RASGEF1A: variants seen among roughly 807,000 people sequenced by gnomAD.
RASGEF1A encodes ras-GEF domain-containing family member 1A.
RASGEF1A carries 18 observed loss-of-function variants against 56.4 expected under a neutral mutation model. The ratio of observed to expected loss-of-function variants is 0.32; its 90% CI spans 0.22 to 0.47. The LOEUF is 0.47. Among genes scored for constraint, RASGEF1A ranks in the 20% least tolerant of loss-of-function variants. The pLI is 1.00. For missense variants in RASGEF1A, 422 were observed against 627.1 expected (o/e 0.67, Z 3.49); for synonymous variants, 245 against 242.6 (o/e 1.01, Z -0.09).
At chr10:43,207,679 C>T in intron 1 of RASGEF1A, 1 of 985,528 alleles carries the variant, frequency 1.0e-6, no homozygotes, top group Non-Finnish European at 1.2e-6. Flanking sequence ...ACAATGCTCC[C>T]TTCAAACTCA....
intron 3 of RASGEF1A, among the ~76,000 whole-genome samples, chr10:43,202,147 T>C (rs1839910175): frequency 6.6e-6 from 1 of 152,202 alleles, no homozygotes; most frequent in African/African-American, 2.4e-5. Flanking sequence ...TCCCCTTAAG[T>C]TGACTTTCTT....
chr10:43,235,288 C>G (rs1325845077), intron 1 of RASGEF1A, among the ~76,000 whole-genome samples: 1 of 152,220 alleles, frequency 6.6e-6, no homozygotes, highest in Non-Finnish European at 1.5e-5. Flanking sequence ...ACACCTCTCC[C>G]CAGTCGTCTG....
intron 2 of RASGEF1A, 56 bp from the exon 3 acceptor site, chr10:43,203,476 C>T (rs1346961066): frequency 1.4e-6 from 2 of 1,465,068 alleles, no homozygotes; most frequent in Admixed American, 4.7e-5. Context: ...CCCCCGGGGG[C>T]TCACCGCGCT....
chr10:43,247,568 G>A (rs901624017), intron 1 of RASGEF1A, among the ~76,000 whole-genome samples: 1 of 152,172 alleles, frequency 6.6e-6, no homozygotes, highest in African/African-American at 2.4e-5. Context: ...ACAGCAATAA[G>A]AAGGAATGAA....
At chr10:43,219,021 G>C (rs1840172505) in intron 1 of RASGEF1A, among the ~76,000 whole-genome samples, 1 of 152,136 alleles carries the variant, frequency 6.6e-6, no homozygotes, top group Admixed American at 6.5e-5. Flanking sequence ...GCCTGCTCAG[G>C]GCATAGAACA....
At chr10:43,232,355 C>T (rs1053828147) in intron 1 of RASGEF1A, among the ~76,000 whole-genome samples, 2 of 152,346 alleles carry the variant, frequency 1.3e-5, no homozygotes, top group South Asian at 4.1e-4. Flanking sequence ...CCTGCTCCAA[C>T]TCTGCCTTCC....
Position 43,199,756 on chromosome 10 carries a change from G to C in RASGEF1A, c.769C>G (p.Leu257Val). 1 of 1,613,560 alleles carries C rather than the reference G, an allele frequency of 6.2e-7. No individual in the cohort carries two copies. The highest frequency in any genetic ancestry group is 8.5e-7 in the Non-Finnish European group (1 of 1,179,962). Residue 257 changes from leucine (L) to valine (V), a missense_variant, in exon 7 of 13, where the codon CTG becomes GTG. By Grantham distance (32) the Leu-to-Val change is conservative (BLOSUM62 1). Around this residue, in one of 2 missense-constraint regions of RASGEF1A, gnomAD observed 273 missense variants for 339.9 expected, o/e 0.80. Coordinates refer to ENST00000395810, the MANE Select transcript of RASGEF1A (RefSeq NM_145313.4). ...SLDNHRCRGD[L>V]TKTYSLEAYD... ...GCCTCCAGGCTGTAGGTCTTGGTCA[G>C]GTCCCCTCGGCACTGGAAAGGACAC... is the stretch of plus-strand genomic sequence containing the variant.
intron 1 of RASGEF1A, among the ~76,000 whole-genome samples, chr10:43,234,547 C>T (rs1049713943): frequency 1.3e-5 from 2 of 152,154 alleles, no homozygotes; most frequent in East Asian, 1.9e-4. Context: ...AGGACCACGC[C>T]GGTGCTACAG....
chr10:43,247,751 G>T (rs757081539), intron 1 of RASGEF1A, among the ~76,000 whole-genome samples: 1 of 152,176 alleles, frequency 6.6e-6, no homozygotes, highest in Non-Finnish European at 1.5e-5. Flanking sequence ...TGGGGAAGGG[G>T]CAGTTTGAGG....
chr10:43,197,908 AG>A, intron 10 of RASGEF1A, 95 bp downstream of exon 10: 1 of 1,099,782 alleles, frequency 9.1e-7, no homozygotes, highest in Non-Finnish European at 1.3e-6. Flanking sequence ...GGCAGGGCTC[AG>A]GAAACCCACA....
At position 43,248,054 on chromosome 10, in the gene RASGEF1A, TAA is replaced by T. The variant is rs35759015; in HGVS notation, c.-7+18789_-7+18790del. ...CATTTCTATTTATAAAAAATAAGAT[TAA>T]AAAAAAAAAAAAAACATGGCCGAGT... On this transcript the variant is annotated intron_variant, in intron 1 of 12. Transcript: ENST00000395810. Among the ~76,000 whole-genome samples the T allele has an allele frequency of 3.5e-3, 480 of 138,660 alleles. 2 individuals are homozygous for T. Among genetic ancestry groups the T allele is most frequent in the East Asian group, 8.9e-3 (43 of 4,832 alleles). The allele number at this position is 138,660 out of a possible 152,430, so 91.0% of individuals were successfully genotyped here. A position where few individuals can be genotyped will look rare whatever the true frequency, so the allele number is the denominator to read the frequency against.
At chr10:43,258,093 C>T (rs1836455639) in intron 1 of RASGEF1A, among the ~76,000 whole-genome samples, 1 of 152,246 alleles carries the variant, frequency 6.6e-6, no homozygotes, top group African/African-American at 2.4e-5. Flanking sequence ...GCGAAAGCTG[C>T]CTCTATACTA....
intron 1 of RASGEF1A, among the ~76,000 whole-genome samples, chr10:43,264,565 G>A (rs900130944): frequency 6.6e-6 from 1 of 151,598 alleles, no homozygotes; most frequent in East Asian, 2.0e-4. Context: ...GTGGGTGGGA[G>A]TTACAGGAGG....
chr10:43,222,751 C>A (rs900280804), intron 1 of RASGEF1A, among the ~76,000 whole-genome samples: 10 of 152,174 alleles, frequency 6.6e-5, no homozygotes, highest in Non-Finnish European at 1.3e-4. Context: ...AGAAAGGAGT[C>A]CCAGGAGTGG....
At chr10:43,256,487 G>C (rs1440634072) in intron 1 of RASGEF1A, among the ~76,000 whole-genome samples, 2 of 152,188 alleles carry the variant, frequency 1.3e-5, no homozygotes, top group African/African-American at 4.8e-5. Flanking sequence ...CAATAGCCAA[G>C]GGAGGTGGGT....
intron 1 of RASGEF1A, chr10:43,208,686 G>T (rs1840028461): frequency 2.0e-6 from 2 of 985,496 alleles, no homozygotes; most frequent in South Asian, 4.7e-5. Context: ...ACGGCCCAGG[G>T]CTAGGTCTCC....
At chr10:43,259,275 C>A (rs747920759) in intron 1 of RASGEF1A, among the ~76,000 whole-genome samples, 19 of 152,206 alleles carry the variant, frequency 1.2e-4, no homozygotes, top group Non-Finnish European at 2.4e-4. Flanking sequence ...TGAGGGCCTG[C>A]AAGCACAGCG....
At chr10:43,233,258 G>C (rs982963865) in intron 1 of RASGEF1A, among the ~76,000 whole-genome samples, 2 of 152,180 alleles carry the variant, frequency 1.3e-5, no homozygotes, top group Non-Finnish European at 2.9e-5. Context: ...CCCAATGACT[G>C]TAACATGTCT....
chr10:43,255,602 G>A (rs549889118), intron 1 of RASGEF1A, among the ~76,000 whole-genome samples: 2 of 152,254 alleles, frequency 1.3e-5, no homozygotes, highest in Admixed American at 6.5e-5. Context: ...CTGAGGAGGT[G>A]AGGAGTGTCA....
Sources: allele counts gnomAD v4.1 joint callset (sites outside exome capture counted in the v4.1 genomes callset), GRCh38; gene constraint gnomAD v4.1.1; regional missense constraint gnomAD v4.1.1; transcripts MANE v1.5; gene names NCBI Gene and HGNC (gene_info 2026-07-23, HGNC 2026-07-21).